Variants in SLC10A7 observed in about 807,000 individuals in gnomAD.
The protein encoded by SLC10A7 is sodium/bile acid cotransporter 7.
A neutral mutation model predicts 43.2 loss-of-function variants in SLC10A7; 29 were observed. That is an observed-to-expected ratio of 0.67 (90% CI 0.50 to 0.92). The LOEUF is 0.92. SLC10A7 is among the 40% of genes least tolerant of loss of function. SLC10A7 has a pLI of 0.00. For missense variants in SLC10A7, 295 were observed against 403.2 expected (o/e 0.73, Z 2.30); for synonymous variants, 152 against 144.8 (o/e 1.05, Z -0.35).
chr4:146,273,910 A>T (rs1417365646), intron 10 of SLC10A7, among the ~76,000 whole-genome samples: 1 of 152,076 alleles, frequency 6.6e-6, no homozygotes, highest in Non-Finnish European at 1.5e-5. Flanking sequence ...CTTTCAGAAC[A>T]CTGACTTCTG....
At chr4:146,405,040 A>T (rs1009548788) in intron 5 of SLC10A7, among the ~76,000 whole-genome samples, 1 of 152,210 alleles carries the variant, frequency 6.6e-6, no homozygotes, top group Non-Finnish European at 1.5e-5. Flanking sequence ...TATCAGAATA[A>T]TACTTAAAAT....
At chr4:146,367,543 G>T (rs1048726650) in intron 5 of SLC10A7, among the ~76,000 whole-genome samples, 2 of 152,118 alleles carry the variant, frequency 1.3e-5, no homozygotes, top group African/African-American at 4.8e-5. Flanking sequence ...CCTTTTCAAT[G>T]GAGACACTGA....
intron 5 of SLC10A7, among the ~76,000 whole-genome samples, chr4:146,348,779 A>G (rs1431339410): frequency 6.6e-6 from 1 of 152,166 alleles, no homozygotes; most frequent in Non-Finnish European, 1.5e-5. Flanking sequence ...AATTTACTTG[A>G]CATGTAAATA....
chr4:146,256,582 A>G (rs949296229), intron 11 of SLC10A7, 62 bp from the exon 12 acceptor site: 8 of 1,545,570 alleles, frequency 5.2e-6, no homozygotes, highest in South Asian at 1.1e-5. Context: ...GAAAGCATCA[A>G]TTAACACCAG....
At chr4:146,332,674 T>C (rs1315786658) in intron 5 of SLC10A7, among the ~76,000 whole-genome samples, 5 of 152,136 alleles carry the variant, frequency 3.3e-5, no homozygotes, top group Admixed American at 6.6e-5. Context: ...CATAAGCCAA[T>C]TAAGCCTCTT....
chr4:146,425,291 A>C (rs1729256340), intron 5 of SLC10A7, among the ~76,000 whole-genome samples: 1 of 152,228 alleles, frequency 6.6e-6, no homozygotes, highest in Non-Finnish European at 1.5e-5. Context: ...TTTATAATTA[A>C]ACGGATTAAA....
At chr4:146,321,846 CA>C (rs1358374391) in intron 6 of SLC10A7, among the ~76,000 whole-genome samples, 1 of 152,034 alleles carries the variant, frequency 6.6e-6, no homozygotes, top group Admixed American at 6.6e-5. Context: ...CCTCGTAACC[CA>C]AATGCTTAAG....
At chr4:146,428,462 T>C (rs559463626) in intron 5 of SLC10A7, among the ~76,000 whole-genome samples, 41 of 152,274 alleles carry the variant, frequency 2.7e-4, no homozygotes, top group African/African-American at 9.6e-4. Flanking sequence ...ACATGATGCT[T>C]CTAAACAGCA....
chr4:146,463,164 T>C (rs1732691728), intron 4 of SLC10A7, among the ~76,000 whole-genome samples: 1 of 152,172 alleles, frequency 6.6e-6, no homozygotes, highest in Non-Finnish European at 1.5e-5. Flanking sequence ...CGATGAAAAT[T>C]GGGAAAACGG....
Position 146,492,518 on chromosome 4 carries a change from C to T in SLC10A7, c.396+11331G>A, listed in dbSNP as rs115875977. Among the ~76,000 whole-genome samples, 453 of 152,194 alleles carry T rather than the reference C, an allele frequency of 3.0e-3. 4 individuals are homozygous for T. The highest frequency in any genetic ancestry group is 0.014 in the Middle Eastern group (4 of 294). On this transcript the variant is annotated intron_variant, in intron 4 of 11. Transcript: ENST00000335472. Reference sequence around the variant, plus strand: ...AAGGAGCTGGGACCACAGGCACACACCACCATGCCCGGCTAAATTTCTTTG... The same window carrying T: ...AAGGAGCTGGGACCACAGGCACACATCACCATGCCCGGCTAAATTTCTTTG...
intron 10 of SLC10A7, among the ~76,000 whole-genome samples, chr4:146,271,933 C>CT (rs1408308218): frequency 6.6e-6 from 1 of 152,186 alleles, no homozygotes; most frequent in East Asian, 1.9e-4. Context: ...GAAACCTTCT[C>CT]ATCTCCACCC....
At chr4:146,417,686 G>C (rs68027160) in intron 5 of SLC10A7, among the ~76,000 whole-genome samples, 1 of 151,900 alleles carries the variant, frequency 6.6e-6, no homozygotes, top group Non-Finnish European at 1.5e-5. Flanking sequence ...TATTTGCTTC[G>C]ACAGCAATAT....
intron 6 of SLC10A7, among the ~76,000 whole-genome samples, chr4:146,319,577 G>T (rs1732554892): frequency 6.6e-6 from 1 of 151,994 alleles, no homozygotes; most frequent in African/African-American, 2.4e-5. Context: ...AGACACATCT[G>T]TTTTACTTAT....
At chr4:146,416,234 A>G (rs1028813227) in intron 5 of SLC10A7, among the ~76,000 whole-genome samples, 16 of 141,268 alleles carry the variant, frequency 1.1e-4, no homozygotes, top group African/African-American at 4.4e-4. Context: ...CAGTAGGGTT[A>G]GAAGTCAGCA....
intron 5 of SLC10A7, among the ~76,000 whole-genome samples, chr4:146,346,480 G>A (rs957002520): frequency 2.0e-5 from 3 of 152,056 alleles, no homozygotes; most frequent in Non-Finnish European, 2.9e-5. Flanking sequence ...TTGATCTTCT[G>A]AGAAATTCTA....
At chr4:146,441,757 T>G (rs975660302) in intron 5 of SLC10A7, 4 of 983,574 alleles carry the variant, frequency 4.1e-6, no homozygotes, top group East Asian at 1.1e-4. Context: ...ATATAAGCTA[T>G]GCATATATTT....
At chr4:146,276,984 G>A (rs1729249183) in intron 10 of SLC10A7, among the ~76,000 whole-genome samples, 1 of 151,958 alleles carries the variant, frequency 6.6e-6, no homozygotes, top group Non-Finnish European at 1.5e-5. Flanking sequence ...AGGGACAGCA[G>A]AAGCCAAAGC....
chr4:146,295,202 T>C (rs1460613116), intron 7 of SLC10A7, among the ~76,000 whole-genome samples: 1 of 152,172 alleles, frequency 6.6e-6, no homozygotes, highest in African/African-American at 2.4e-5. Context: ...CAACTTCAAC[T>C]GTTCTCAGGG....
chr4:146,397,354 T>G (rs936678712), intron 5 of SLC10A7, among the ~76,000 whole-genome samples: 2 of 152,182 alleles, frequency 1.3e-5, no homozygotes, highest in African/African-American at 4.8e-5. Flanking sequence ...TTCTTCCAAC[T>G]TAACAACTCA....
Sources: gnomAD v4.1 joint callset for allele counts (sites outside exome capture counted in the v4.1 genomes callset) on GRCh38, gnomAD v4.1.1 for gene constraint, MANE v1.5 for transcripts, NCBI Gene and HGNC (gene_info 2026-07-23, HGNC 2026-07-21) for gene names.